Variants in OTUD7A observed in about 807,000 individuals in gnomAD.
The protein encoded by OTUD7A is OTU domain-containing protein 7A.
In OTUD7A, 12 loss-of-function variants were observed where a neutral mutation model predicts 65.7. The observed-to-expected ratio is 0.18, with a 90% confidence interval of 0.12 to 0.30. The LOEUF (loss-of-function observed/expected upper bound fraction) is 0.30. Ranked by LOEUF, OTUD7A falls within the 10% of genes least tolerant of loss-of-function variation. The pLI is 1.00. For synonymous variants in OTUD7A, 641 were observed against 586.3 expected, an observed-to-expected ratio of 1.09 and a Z score of -1.35; for missense variants, 1,148 against 1,304.8, an observed-to-expected ratio of 0.88 and a Z score of 1.85.
At chr15:31,733,482 A>T (rs1409412527) in intron 1 of OTUD7A, among the ~76,000 whole-genome samples, 1 of 152,032 alleles carries the variant, frequency 6.6e-6, no homozygotes, top group East Asian at 1.9e-4. Context: ...ACTAATTCCT[A>T]TTGGTCCTTC....
At chr15:31,559,380 T>G (rs1032861333) in intron 4 of OTUD7A, among the ~76,000 whole-genome samples, 193 bp from the exon 5 acceptor site, 1 of 152,076 alleles carries the variant, frequency 6.6e-6, no homozygotes, top group African/African-American at 2.4e-5. Flanking sequence ...ACACCATACA[T>G]GTTCACACAT....
chr15:31,673,797 A>G (rs1452950757), intron 1 of OTUD7A, among the ~76,000 whole-genome samples: 3 of 152,208 alleles, frequency 2.0e-5, no homozygotes, highest in Non-Finnish European at 4.4e-5. Context: ...CTGGCCTGCC[A>G]TTGTCATTGT....
intron 5 of OTUD7A, among the ~76,000 whole-genome samples, chr15:31,533,982 G>A (rs1051176989): frequency 1.3e-5 from 2 of 152,160 alleles, no homozygotes; most frequent in South Asian, 2.1e-4. Context: ...CTTTGATAAA[G>A]TATGTGTATA....
chr15:31,675,036 A>G (rs1662672856), intron 1 of OTUD7A, among the ~76,000 whole-genome samples: 1 of 152,080 alleles, frequency 6.6e-6, no homozygotes, highest in Non-Finnish European at 1.5e-5. Context: ...TTGTAGCTGA[A>G]TGTATTCCTA....
intron 3 of OTUD7A, among the ~76,000 whole-genome samples, chr15:31,592,812 G>A (rs1357329790): frequency 2.1e-5 from 3 of 140,806 alleles, no homozygotes; most frequent in African/African-American, 5.4e-5. Flanking sequence ...CCCAGGAGGC[G>A]GCGCTTGCAG....
intron 1 of OTUD7A, among the ~76,000 whole-genome samples, chr15:31,672,529 C>T (rs4420496): frequency 6.6e-6 from 1 of 152,046 alleles, no homozygotes; most frequent in Admixed American, 6.5e-5. Context: ...GTTAACTCTC[C>T]TACAGGCAAC....
intron 1 of OTUD7A, among the ~76,000 whole-genome samples, chr15:31,736,895 C>T (rs770004662): frequency 1.7e-4 from 26 of 152,190 alleles, no homozygotes; most frequent in Non-Finnish European, 2.9e-4. Context: ...AATCTTGGCT[C>T]ACTACAACCT....
intron 1 of OTUD7A, among the ~76,000 whole-genome samples, chr15:31,809,215 T>C (rs945353027): frequency 5.9e-5 from 9 of 152,212 alleles, no homozygotes; most frequent in African/African-American, 1.9e-4. Flanking sequence ...TGAGGAACGT[T>C]CCTGTAATAG....
rs144982178 is a variant in OTUD7A at position 31,814,408 on chromosome 15, A to G, written c.-100+56099T>C. On this transcript the variant is annotated intron_variant, in intron 1 of 12. Transcript: ENST00000307050. ...CCCACCAACAGCACTGATGATGACC[A>G]TGGAGGGCTATGCCTGCTGTAGCCC... Among the ~76,000 whole-genome samples, 797 of 152,330 alleles carry G rather than the reference A, an allele frequency of 5.2e-3. 9 individuals are homozygous for G. Among genetic ancestry groups the G allele is most frequent in the African/African-American group, 0.018 (767 of 41,560 alleles).
intron 1 of OTUD7A, among the ~76,000 whole-genome samples, chr15:31,665,647 C>T (rs1892298252): frequency 6.6e-6 from 1 of 152,124 alleles, no homozygotes; most frequent in African/African-American, 2.4e-5. Flanking sequence ...TGTGGATGCC[C>T]TTTATTTCTC....
intron 1 of OTUD7A, among the ~76,000 whole-genome samples, chr15:31,869,043 T>C (rs775077162): frequency 7.2e-5 from 11 of 152,340 alleles, no homozygotes; most frequent in Admixed American, 4.6e-4. Context: ...CTTTTGTCCC[T>C]TATTGGATAT....
intron 1 of OTUD7A, among the ~76,000 whole-genome samples, chr15:31,799,604 A>G (rs1896065953): frequency 6.6e-6 from 1 of 152,214 alleles, no homozygotes; most frequent in African/African-American, 2.4e-5. Context: ...ATCCACCTGC[A>G]GGTCAAGAAG....
At chr15:31,668,287 C>T (rs1481264917) in intron 1 of OTUD7A, among the ~76,000 whole-genome samples, 2 of 152,124 alleles carry the variant, frequency 1.3e-5, no homozygotes, top group African/African-American at 4.8e-5. Flanking sequence ...ACTGATTATT[C>T]TTAGGTTTGG....
intron 8 of OTUD7A, among the ~76,000 whole-genome samples, chr15:31,517,731 TGGG>T (rs1251038378): frequency 6.6e-6 from 1 of 151,988 alleles, no homozygotes; most frequent in Non-Finnish European, 1.5e-5. Context: ...CTGAGAAAGA[TGGG>T]GGTGGGCAGA....
intron 1 of OTUD7A, among the ~76,000 whole-genome samples, chr15:31,690,513 C>T (rs1453866121): frequency 6.6e-6 from 1 of 152,194 alleles, no homozygotes; most frequent in Non-Finnish European, 1.5e-5. Flanking sequence ...TACTATGAAT[C>T]TATGGTAATC....
At chr15:31,700,547 C>T (rs1045531181) in intron 1 of OTUD7A, among the ~76,000 whole-genome samples, 1 of 152,236 alleles carries the variant, frequency 6.6e-6, no homozygotes, top group African/African-American at 2.4e-5. Context: ...ATCAGTCTTT[C>T]TCTTTTCCTC....
intron 1 of OTUD7A, among the ~76,000 whole-genome samples, chr15:31,738,372 C>T (rs1894249275): frequency 6.6e-6 from 1 of 152,054 alleles, no homozygotes; most frequent in South Asian, 2.1e-4. Context: ...GGATGGAGAC[C>T]TGAGCATGCA....
chr15:31,488,392 T>C (rs1354733211), intron 10 of OTUD7A, among the ~76,000 whole-genome samples: 1 of 152,156 alleles, frequency 6.6e-6, no homozygotes, highest in Non-Finnish European at 1.5e-5. Flanking sequence ...TGGGATCTTC[T>C]AGGAGCTTCT....
Position 31,501,621 on chromosome 15 carries a change from G to A in OTUD7A, c.1171+69C>T, listed in dbSNP as rs2041466543. ...TCCACAATCCACCTCCCCGTGCAATGGGGTCCCTTCTGATGGCTCTGCCCC... is the reference window on the plus strand; with the variant it reads ...TCCACAATCCACCTCCCCGTGCAATAGGGTCCCTTCTGATGGCTCTGCCCC... On this transcript the variant is annotated intron_variant, in intron 10 of 12. Coordinates refer to ENST00000307050, the MANE Select transcript of OTUD7A (RefSeq NM_001382637.1). The A allele has an allele frequency of 3.1e-6, 5 of 1,591,458 alleles. No homozygotes were observed. The African/African-American group carries it at 4.0e-5, about 13-fold the overall frequency.
Sources: allele counts gnomAD v4.1 joint callset (sites outside exome capture counted in the v4.1 genomes callset), GRCh38; gene constraint gnomAD v4.1.1; transcripts MANE v1.5; gene names NCBI Gene and HGNC (gene_info 2026-07-23, HGNC 2026-07-21).